The following SHISA9 variants were observed in gnomAD, a reference collection of about 807,000 sequenced individuals.
The protein encoded by SHISA9 is shisa family member 9.
A neutral mutation model predicts 38.0 loss-of-function variants in SHISA9; 13 were observed. That is an observed-to-expected ratio of 0.34 (90% CI 0.22 to 0.54). The LOEUF (loss-of-function observed/expected upper bound fraction) is 0.54. Ranked by LOEUF, SHISA9 falls within the 20% of genes least tolerant of loss-of-function variation. The pLI is 0.91. For missense variants in SHISA9, 538 were observed against 575.8 expected (o/e 0.93, Z 0.67); for synonymous variants, 275 against 242.0 (o/e 1.14, Z -1.27).
At chr16:13,064,019 C>A (rs749692034) in intron 2 of SHISA9, among the ~76,000 whole-genome samples, 7 of 152,186 alleles carry the variant, frequency 4.6e-5, no homozygotes, top group Non-Finnish European at 8.8e-5. Flanking sequence ...CGTGGCTCTT[C>A]TGTTGTCACT....
chr16:13,125,413 T>A (rs2050247847), intron 2 of SHISA9, among the ~76,000 whole-genome samples: 1 of 152,192 alleles, frequency 6.6e-6, no homozygotes, highest in South Asian at 2.1e-4. Flanking sequence ...TTATTAGCAG[T>A]GTGTCTTTGG....
intron 2 of SHISA9, among the ~76,000 whole-genome samples, chr16:12,988,414 A>T (rs1007287407): frequency 6.6e-6 from 1 of 152,144 alleles, no homozygotes; most frequent in Middle Eastern, 3.2e-3. Context: ...AAACCTCCAA[A>T]CACCCGTGAT....
At chr16:13,524,090 G>A in the SHISA9 span, among the ~76,000 whole-genome samples, 1 of 152,088 alleles carries the variant, frequency 6.6e-6, no homozygotes, top group East Asian at 1.9e-4. Flanking sequence ...CCCAAATGAT[G>A]TTCTTGACCA....
chr16:13,533,909 G>A, the SHISA9 span, among the ~76,000 whole-genome samples: 5 of 151,128 alleles, frequency 3.3e-5, no homozygotes, highest in Admixed American at 6.6e-5. Context: ...TCAGCCTCCT[G>A]AGTAGCTGGG....
chr16:13,018,229 C>A (rs1296735087), intron 2 of SHISA9, among the ~76,000 whole-genome samples: 1 of 152,234 alleles, frequency 6.6e-6, no homozygotes, highest in Non-Finnish European at 1.5e-5. Context: ...TCGGCTACTG[C>A]TGGCGTGGCT....
At chr16:13,033,628 G>T (rs2073018124) in intron 2 of SHISA9, among the ~76,000 whole-genome samples, 1 of 152,160 alleles carries the variant, frequency 6.6e-6, no homozygotes, top group Non-Finnish European at 1.5e-5. Context: ...AGGCATGGGG[G>T]ATGGTGGTGT....
rs561790268 is a variant in SHISA9, at chr16:13,209,827, T to C, written c.848-3426T>C. Among the ~76,000 whole-genome samples, 10 of 152,250 alleles carry C rather than the reference T, an allele frequency of 6.6e-5. No homozygotes were observed. The East Asian group carries it at 1.7e-3, about 27-fold the overall frequency. ...TTTATGAAAATATCCCTAGGCCGGGTGCAGTGGCTCACACCTGTAATTCCA... is the reference window on the plus strand; with the variant it reads ...TTTATGAAAATATCCCTAGGCCGGGCGCAGTGGCTCACACCTGTAATTCCA... On this transcript the variant is annotated intron_variant, in intron 3 of 4. Transcript: ENST00000558583.
chr16:13,410,886 AT>A, the SHISA9 span, among the ~76,000 whole-genome samples: 2 of 151,994 alleles, frequency 1.3e-5, no homozygotes, highest in African/African-American at 2.4e-5. Context: ...GTAACTGACA[AT>A]TTTTTTTCTG....
At chr16:12,986,100 A>ATT (rs34202240) in intron 2 of SHISA9, among the ~76,000 whole-genome samples, 72 of 151,920 alleles carry the variant, frequency 4.7e-4, no homozygotes, top group African/African-American at 1.6e-3. Flanking sequence ...TCTTTACTGT[A>ATT]TTTTTTTTCA....
rs147242514 is a variant in SHISA9 at position 13,017,061 on chromosome 16, C to T, written c.691+100246C>T. ...TTGAGACGGAGTCTTGCTCTGTCAC[C>T]CAGGCTGGAGTGCAGTGGCCTGATC... On this transcript the variant is annotated intron_variant, in intron 2 of 4. Coordinates refer to ENST00000558583, the MANE Select transcript of SHISA9 (RefSeq NM_001145204.3). Among the ~76,000 whole-genome samples, 726 of 151,420 alleles carry T rather than the reference C, an allele frequency of 4.8e-3. 7 individuals carry two copies. Among genetic ancestry groups the T allele is most frequent in the African/African-American group, 0.017 (699 of 41,228 alleles).
chr16:12,926,490 G>A (rs1251551363), intron 2 of SHISA9, among the ~76,000 whole-genome samples: 4 of 152,160 alleles, frequency 2.6e-5, no homozygotes, highest in Non-Finnish European at 5.9e-5. Context: ...CAGTCAATGT[G>A]CCAGGAATTG....
At chr16:13,343,900 G>A in the SHISA9 span, among the ~76,000 whole-genome samples, 1 of 152,166 alleles carries the variant, frequency 6.6e-6, no homozygotes, top group African/African-American at 2.4e-5. Flanking sequence ...ATAAGAAAGT[G>A]TTCAGAAAAA....
the SHISA9 span, among the ~76,000 whole-genome samples, chr16:13,535,547 G>A: frequency 6.6e-6 from 1 of 152,270 alleles, no homozygotes; most frequent in African/African-American, 2.4e-5. Flanking sequence ...ATTCTCTACA[G>A]CTGTGTTTAT....
the SHISA9 span, among the ~76,000 whole-genome samples, chr16:13,333,380 C>T: frequency 3.9e-5 from 6 of 152,146 alleles, no homozygotes; most frequent in Admixed American, 3.9e-4. Flanking sequence ...CTAATGGTAT[C>T]ATTGATATGA....
At chr16:13,351,760 A>G in the SHISA9 span, among the ~76,000 whole-genome samples, 149 of 152,332 alleles carry the variant, frequency 9.8e-4, no homozygotes, top group African/African-American at 3.3e-3. Context: ...ATTGCTCGAT[A>G]TTTCAGGTTT....
At chr16:13,539,782 A>G in the SHISA9 span, among the ~76,000 whole-genome samples, 1 of 152,070 alleles carries the variant, frequency 6.6e-6, no homozygotes, top group Non-Finnish European at 1.5e-5. Context: ...CCTGATGTCT[A>G]TCATTCCCTT....
chr16:12,953,194 A>T (rs1395547975), intron 2 of SHISA9, among the ~76,000 whole-genome samples: 4 of 149,252 alleles, frequency 2.7e-5, no homozygotes, highest in Non-Finnish European at 6.0e-5. Context: ...AAAAAAGAAA[A>T]ACAAAAAAAC....
chr16:13,113,191 C>A (rs2073996490), intron 2 of SHISA9, among the ~76,000 whole-genome samples: 1 of 112,996 alleles, frequency 8.8e-6, no homozygotes, highest in Admixed American at 1.3e-4. Flanking sequence ...GCCTGGACAA[C>A]AGAATGAGAC....
the SHISA9 span, among the ~76,000 whole-genome samples, chr16:13,254,994 A>G: frequency 1.8e-3 from 268 of 151,956 alleles, 1 homozygote; most frequent in African/African-American, 6.2e-3. Context: ...AGCTTCTTTA[A>G]TTTTTTTTCC....
Sources: allele counts gnomAD v4.1 joint callset (sites outside exome capture counted in the v4.1 genomes callset), GRCh38; gene constraint gnomAD v4.1.1; transcripts MANE v1.5; gene names NCBI Gene and HGNC (gene_info 2026-07-23, HGNC 2026-07-21).